The following KCNT2 variants were observed in gnomAD, a reference collection of about 807,000 sequenced individuals.
The protein encoded by KCNT2 is potassium sodium-activated channel subfamily T member 2.
A neutral mutation model predicts 153.8 loss-of-function variants in KCNT2; 67 were observed. The observed-to-expected ratio is 0.44, with a 90% confidence interval of 0.36 to 0.53. The LOEUF (loss-of-function observed/expected upper bound fraction) is 0.53. Ranked by LOEUF, KCNT2 falls within the 20% of genes least tolerant of loss-of-function variation. KCNT2 has a pLI of 0.00. For synonymous variants in KCNT2, 500 were observed against 458.8 expected (o/e 1.09, Z -1.15); for missense variants, 975 against 1,354.8 (o/e 0.72, Z 4.40).
chr1:196,418,636 A>C (rs946240854), intron 12 of KCNT2, among the ~76,000 whole-genome samples: 2 of 151,936 alleles, frequency 1.3e-5, no homozygotes, highest in Admixed American at 1.3e-4. Context: ...CTTTATATGC[A>C]CACCCACCCC....
At chr1:196,379,287 G>A (rs1413507903) in intron 13 of KCNT2, among the ~76,000 whole-genome samples, 1 of 151,838 alleles carries the variant, frequency 6.6e-6, no homozygotes, top group East Asian at 1.9e-4. Context: ...AAAATTATAT[G>A]TGGCAGGGTG....
At chr1:196,591,586 A>G (rs1663370586) in intron 1 of KCNT2, among the ~76,000 whole-genome samples, 1 of 152,144 alleles carries the variant, frequency 6.6e-6, no homozygotes, top group Non-Finnish European at 1.5e-5. Flanking sequence ...ACAATATTCC[A>G]AGAATGCAAA....
rs1262388871 is a variant in KCNT2 at position 196,340,562 on chromosome 1, A to G, written c.1562T>C (p.Val521Ala). The change falls in exon 16 of 28, where the codon GTC becomes GCC. Residue 521 changes from valine (V) to alanine (A), a missense_variant. Around this residue, in one of 6 missense-constraint regions of KCNT2, gnomAD observed 325 missense variants for 388.1 expected, o/e 0.84. Coordinates refer to ENST00000294725, the MANE Select transcript of KCNT2 (RefSeq NM_198503.5). ...ASFHAHKKFG[V>A]CLIGVRREDN... is the part of the protein sequence containing the mutation. ...CTCCCTCCTAACACCAATCAAGCAG[A>G]CGCCAAACCTTAATTTAAAAAAAAA... The G allele has an allele frequency of 6.5e-7, 1 of 1,536,024 alleles. No individual in the cohort carries two copies. The highest frequency in any genetic ancestry group is 1.4e-5 in the African/African-American group (1 of 71,630).
chr1:196,492,223 T>C (rs1280682716), intron 2 of KCNT2, 39 bp downstream of exon 2: 1 of 1,370,018 alleles, frequency 7.3e-7, no homozygotes, highest in Non-Finnish European at 9.6e-7. Flanking sequence ...TTGAAGTAAA[T>C]ATATGTACGA....
chr1:196,281,088 G>T (rs966415767), intron 24 of KCNT2, 100 bp from the exon 25 acceptor site: 41 of 882,904 alleles, frequency 4.6e-5, no homozygotes, highest in Non-Finnish European at 6.0e-5. Context: ...TGGGGGGCAG[G>T]GTCTCACTCT....
intron 23 of KCNT2, among the ~76,000 whole-genome samples, chr1:196,283,451 A>G (rs1190232494): frequency 1.3e-5 from 2 of 152,110 alleles, no homozygotes; most frequent in Non-Finnish European, 2.9e-5. Context: ...ACAAACAAAC[A>G]AAAAATAAAT....
intron 1 of KCNT2, among the ~76,000 whole-genome samples, chr1:196,592,907 ATAAAT>A (rs1176332813): frequency 2.0e-5 from 3 of 150,184 alleles, no homozygotes. Context: ...AGAAAATTTA[ATAAAT>A]TAATTTAATA....
intron 22 of KCNT2, among the ~76,000 whole-genome samples, chr1:196,293,804 C>T (rs1288430712): frequency 6.9e-6 from 1 of 144,420 alleles, no homozygotes; most frequent in Non-Finnish European, 1.5e-5. Context: ...GCACAAGCAA[C>T]AAGAACATAA....
chr1:196,244,268 C>A (rs1281635134), intron 26 of KCNT2, among the ~76,000 whole-genome samples: 1 of 152,012 alleles, frequency 6.6e-6, no homozygotes, highest in Non-Finnish European at 1.5e-5. Flanking sequence ...AGAACATTCC[C>A]AGCTGTGGTG....
At chr1:196,384,286 A>C (rs1669759163) in intron 13 of KCNT2, among the ~76,000 whole-genome samples, 1 of 152,174 alleles carries the variant, frequency 6.6e-6, no homozygotes, top group Non-Finnish European at 1.5e-5. Context: ...GTTTGATAAA[A>C]ATAAATAATA....
chr1:196,313,879 T>C (rs1662441320), intron 21 of KCNT2, among the ~76,000 whole-genome samples: 1 of 151,600 alleles, frequency 6.6e-6, no homozygotes, highest in African/African-American at 2.4e-5. Flanking sequence ...TATATAATTT[T>C]TAAAATATAC....
chr1:196,572,306 G>A (rs1660872312), intron 1 of KCNT2, among the ~76,000 whole-genome samples: 1 of 152,086 alleles, frequency 6.6e-6, no homozygotes, highest in African/African-American at 2.4e-5. Flanking sequence ...CAGCTCAAGA[G>A]TAGTAGCCTA....
chr1:196,292,680 G>A (rs1409476046), intron 22 of KCNT2, among the ~76,000 whole-genome samples: 1 of 151,946 alleles, frequency 6.6e-6, no homozygotes, highest in Non-Finnish European at 1.5e-5. Context: ...CTTGGCGGGC[G>A]CCTGTGGTCC....
At chr1:196,271,624 T>C (rs1238848623) in intron 25 of KCNT2, among the ~76,000 whole-genome samples, 1 of 151,908 alleles carries the variant, frequency 6.6e-6, no homozygotes, top group Non-Finnish European at 1.5e-5. Flanking sequence ...CTAGAAAATA[T>C]TAGGAAAAAA....
chr1:196,377,502 T>C (rs1572222114), intron 13 of KCNT2, among the ~76,000 whole-genome samples: 1 of 152,044 alleles, frequency 6.6e-6, no homozygotes, highest in East Asian at 1.9e-4. Context: ...CCCATTTTCC[T>C]CTTTGTATGC....
At chr1:196,310,661 T>C (rs552036867) in intron 21 of KCNT2, among the ~76,000 whole-genome samples, 35 of 152,006 alleles carry the variant, frequency 2.3e-4, no homozygotes, top group African/African-American at 8.2e-4. Flanking sequence ...ACAATATTCT[T>C]TTCTTTAAAA....
chr1:196,453,788 A>G (rs965344122), intron 8 of KCNT2, among the ~76,000 whole-genome samples: 3 of 151,962 alleles, frequency 2.0e-5, no homozygotes, highest in African/African-American at 7.2e-5. Flanking sequence ...CTCAACATAG[A>G]AAAGATAAAC....
intron 8 of KCNT2, among the ~76,000 whole-genome samples, chr1:196,435,522 G>T (rs1267514751): frequency 6.6e-6 from 1 of 151,384 alleles, no homozygotes; most frequent in Non-Finnish European, 1.5e-5. Flanking sequence ...TCCAATATAA[G>T]ATATATTTAT....
intron 19 of KCNT2, among the ~76,000 whole-genome samples, chr1:196,325,736 A>G (rs1663782673): frequency 6.6e-6 from 1 of 152,104 alleles, no homozygotes; most frequent in Non-Finnish European, 1.5e-5. Flanking sequence ...ATATCTGAAA[A>G]TTCTTCAAAT....
Sources: allele counts gnomAD v4.1 joint callset (sites outside exome capture counted in the v4.1 genomes callset), GRCh38; gene constraint gnomAD v4.1.1; regional missense constraint gnomAD v4.1.1; transcripts MANE v1.5; gene names NCBI Gene and HGNC (gene_info 2026-07-23, HGNC 2026-07-21).